The following ZNF398 variants were observed in gnomAD, a reference collection of about 807,000 sequenced individuals.
ZNF398 encodes zinc finger DNA binding protein ZER6.
In ZNF398, 18 loss-of-function variants were observed where a neutral mutation model predicts 41.9. The ratio of observed to expected loss-of-function variants is 0.43; its 90% CI spans 0.30 to 0.64. The LOEUF (loss-of-function observed/expected upper bound fraction) is 0.64. ZNF398 is among the 30% of genes least tolerant of loss of function. The pLI, the probability that ZNF398 is intolerant of heterozygous loss-of-function variation, is 0.14. For synonymous variants in ZNF398, 260 were observed against 308.8 expected (o/e 0.84, Z 1.66); for missense variants, 669 against 822.8 (o/e 0.81, Z 2.29).
chr7:149,127,013 G>A (rs544409297), intron 1 of ZNF398, among the ~76,000 whole-genome samples: 1 of 152,334 alleles, frequency 6.6e-6, no homozygotes, highest in Non-Finnish European at 1.5e-5. Flanking sequence ...GGTCGCCCAG[G>A]GATGCGGGCC....
At chr7:149,137,155 C>T (rs1826732006) in intron 2 of ZNF398, among the ~76,000 whole-genome samples, 1 of 152,142 alleles carries the variant, frequency 6.6e-6, no homozygotes, top group African/African-American at 2.4e-5. Flanking sequence ...GTGTGAGCCA[C>T]CATGCCCGGC....
Position 149,154,324 on chromosome 7 carries a change from A to G in ZNF398, c.404A>G (p.Lys135Arg), listed in dbSNP as rs1298406510. 1.9e-6 allele frequency: 3 copies of G among 1,612,708 alleles called. No homozygotes were observed. The highest frequency in any genetic ancestry group is 2.5e-6 in the Non-Finnish European group (3 of 1,179,380). ...FWILRLPPGI[K>R]GDIPKVPVAF... ...ATCCTGCGGCTCCCTCCAGGTATTAAGGGAGATATCCCAAAGGTAATACCT... is the reference window on the plus strand; with the variant it reads ...ATCCTGCGGCTCCCTCCAGGTATTAGGGGAGATATCCCAAAGGTAATACCT... Residue 135 changes from lysine (K) to arginine (R), a missense_variant, in exon 2 of 6, where the codon AAG becomes AGG. By Grantham distance (26) the Lys-to-Arg change is conservative (BLOSUM62 2). Transcript: ENST00000475153.
At chr7:149,155,078 G>A (rs1442310174) in intron 2 of ZNF398, among the ~76,000 whole-genome samples, 1 of 151,646 alleles carries the variant, frequency 6.6e-6, no homozygotes, top group Admixed American at 6.6e-5. Context: ...CCTGAGGTCA[G>A]GAGTTCAAGA....
intron 2 of ZNF398, among the ~76,000 whole-genome samples, chr7:149,135,015 C>T (rs1826680242): frequency 6.6e-6 from 1 of 152,128 alleles, no homozygotes; most frequent in Admixed American, 6.6e-5. Flanking sequence ...ACCACCTGAC[C>T]TCATTTATTA....
Position 149,179,250 on chromosome 7 carries a change from T to G in ZNF398, c.1378T>G (p.Cys460Gly), listed in dbSNP as rs1387303902. The G allele has an allele frequency of 6.2e-7, 1 of 1,613,370 alleles. No individual in the cohort carries two copies. Among genetic ancestry groups the G allele is most frequent in the Admixed American group, 1.7e-5 (1 of 60,024 alleles). Reference protein sequence around the residue: ...ASERPFRCAQCGRSFSLKISL... With the variant: ...ASERPFRCAQGGRSFSLKISL... ...CGAAAGGCCCTTCCGCTGTGCCCAGTGCGGCAGGAGCTTCAGCTTGAAAAT... is the reference window on the plus strand; with the variant it reads ...CGAAAGGCCCTTCCGCTGTGCCCAGGGCGGCAGGAGCTTCAGCTTGAAAAT... Residue 460 changes from cysteine (C) to glycine (G), a missense_variant, in exon 6 of 6, where the codon TGC (cysteine) becomes GGC (glycine). Coordinates refer to ENST00000475153, the MANE Select transcript of ZNF398 (RefSeq NM_170686.3). The surrounding 1 kb of genome is among the most constrained non-coding windows in gnomAD (Gnocchi z 6.1).
Position 149,165,689 on chromosome 7 carries a change from T to C in ZNF398, c.421-469T>C, listed in dbSNP as rs4727024. Among the ~76,000 whole-genome samples the C allele has an allele frequency of 5.2e-3, 786 of 152,270 alleles. 22 individuals carry two copies. Among genetic ancestry groups the C allele is most frequent in the Admixed American group, 0.046 (704 of 15,282 alleles). ...CAGCCATGGTATTATCCTTTCCTCC[T>C]CATGTGCACGATGAACAGCATCAAA... On this transcript the variant is annotated intron_variant, in intron 2 of 5. Coordinates refer to ENST00000475153, the MANE Select transcript of ZNF398 (RefSeq NM_170686.3).
rs892887395 is a variant in ZNF398 at position 149,132,236 on chromosome 7, C to A, written c.-490+3292C>A. On this transcript the variant is annotated intron_variant, in intron 2 of 6. Transcript: ENST00000426851. Reference sequence around the variant, plus strand: ...TTGAGACAGAGTCTTGCTCTGTCCCCCAGGCTGTAGTGCAATGCTGTGATC... The same window carrying A: ...TTGAGACAGAGTCTTGCTCTGTCCCACAGGCTGTAGTGCAATGCTGTGATC... Among the ~76,000 whole-genome samples, 3 of 150,522 alleles carry A rather than the reference C, an allele frequency of 2.0e-5. No homozygotes were observed. In the Admixed American group the frequency reaches 2.0e-4, roughly 10 times the overall value.
Position 149,154,194 on chromosome 7 carries a change from C to A in ZNF398, c.274C>A (p.Leu92Met), listed in dbSNP as rs1794920820. ...GACAGTTACCGAGCTTGGGAACCAGCTGGAGGGCAAGTGGGCCGTGCTGGG... is the reference window on the plus strand; with the variant it reads ...GACAGTTACCGAGCTTGGGAACCAGATGGAGGGCAAGTGGGCCGTGCTGGG... ...EKTVTELGNQ[L>M]EGKWAVLGTL... Residue 92 changes from leucine to methionine, a missense_variant, in exon 2 of 6, where the codon CTG (leucine) becomes ATG (methionine). By Grantham distance (15) the Leu-to-Met change is conservative. Transcript: ENST00000475153. 1.2e-6 allele frequency: 2 copies of A among 1,614,040 alleles called. No homozygotes were observed. Among genetic ancestry groups the A allele is most frequent in the African/African-American group, 2.7e-5 (2 of 74,928 alleles).
At chr7:149,133,337 C>T (rs1488876768) in intron 2 of ZNF398, among the ~76,000 whole-genome samples, 1 of 151,988 alleles carries the variant, frequency 6.6e-6, no homozygotes, top group Non-Finnish European at 1.5e-5. Context: ...TGGTCTGGAA[C>T]TCCAGGGCTC....
In ZNF398 at chr7:149,169,783, T is replaced by C. The variant is rs1377932081; in HGVS notation, c.661+2853T>C. ...CTTGTTTTCTTAAAAAAAAATATGC[T>C]CCTGGCTCTGTTGGAGGGCCCAAAG... is the stretch of plus-strand genomic sequence containing the variant. On this transcript the variant is annotated intron_variant, in intron 4 of 5. Transcript: ENST00000475153. 2.6e-5 allele frequency among the ~76,000 whole-genome samples: 4 copies of C among 152,190 alleles called. No individual in the cohort carries two copies. In the East Asian group the frequency reaches 7.7e-4, roughly 29 times the overall value.
chr7:149,181,933 G>A lies in ZNF398; in HGVS notation c.*2132G>A, dbSNP rs1029234139. 5 of 152,200 alleles carry A rather than the reference G, an allele frequency of 3.3e-5. No homozygotes were observed. The highest frequency in any genetic ancestry group is 7.3e-5 in the Non-Finnish European group (5 of 68,034). 9.4% of individuals were successfully genotyped at this position (152,200 alleles called of 1,614,324 possible). Reference sequence around the variant, plus strand: ...TAGTTTGCACCTTGATTTCCCCAGTGAAAAGGGAGAAGAGCCAAAGTATTG... The same window carrying A: ...TAGTTTGCACCTTGATTTCCCCAGTAAAAAGGGAGAAGAGCCAAAGTATTG... On this transcript the variant is annotated 3_prime_UTR_variant, in exon 6 of 6. Coordinates refer to ENST00000475153, the MANE Select transcript of ZNF398 (RefSeq NM_170686.3).
At chr7:149,175,035 G>A (rs1251358651) in intron 4 of ZNF398, among the ~76,000 whole-genome samples, 1 of 152,104 alleles carries the variant, frequency 6.6e-6, no homozygotes, top group Admixed American at 6.6e-5. Flanking sequence ...GTCAGAACAG[G>A]AGGTTGGCAA....
At chr7:149,176,608 A>G (rs1795465130) in intron 5 of ZNF398, 27 bp downstream of exon 5, 1 of 1,475,442 alleles carries the variant, frequency 6.8e-7, no homozygotes, top group Non-Finnish European at 9.3e-7. Context: ...AGAGGTGTTC[A>G]TGTCCATATC....
chr7:149,148,517 G>A, intron 1 of ZNF398: 2 of 983,506 alleles, frequency 2.0e-6, no homozygotes, highest in Non-Finnish European at 2.4e-6. Flanking sequence ...ATTGTACTGG[G>A]TCAGGAGCCA....
chr7:149,150,595 C>T (rs1053087262), intron 1 of ZNF398, among the ~76,000 whole-genome samples: 1 of 151,742 alleles, frequency 6.6e-6, no homozygotes, highest in Non-Finnish European at 1.5e-5. Context: ...AGACCTCATC[C>T]CAAAAAAACA....
chr7:149,155,246 C>T (rs1794941993), intron 2 of ZNF398, among the ~76,000 whole-genome samples: 1 of 152,114 alleles, frequency 6.6e-6, no homozygotes, highest in Non-Finnish European at 1.5e-5. Flanking sequence ...AAGGCGAAAC[C>T]CCATCTCTAT....
upstream of ZNF398, among the ~76,000 whole-genome samples, chr7:149,143,807 C>A (rs1485387190): frequency 1.3e-5 from 2 of 152,028 alleles, no homozygotes; most frequent in Non-Finnish European, 2.9e-5. Context: ...AGTAAAAACT[C>A]CATCTCAAAA....
rs528635197 is a variant in ZNF398, at chr7:149,177,388, C to G, written c.775+807C>G. Among the ~76,000 whole-genome samples, 9 of 151,940 alleles carry G rather than the reference C, an allele frequency of 5.9e-5. No homozygotes were observed. In the South Asian group the frequency reaches 1.3e-3, roughly 21 times the overall value. ...GTTGAGGCAGGTGGATCACTCGAGC[C>G]CAGGAGTTCAAGACCAGCCTGGGTA... On this transcript the variant is annotated intron_variant, in intron 5 of 5. Coordinates refer to ENST00000475153, the MANE Select transcript of ZNF398 (RefSeq NM_170686.3).
At position 149,155,617 on chromosome 7, in the gene ZNF398, T is replaced by C. The variant is rs533153115; in HGVS notation, c.420+1277T>C. Among the ~76,000 whole-genome samples, 26 of 150,934 alleles carry C rather than the reference T, an allele frequency of 1.7e-4. No individual in the cohort carries two copies. The East Asian group carries it at 4.5e-3, about 26-fold the overall frequency. The stretch of plus-strand genomic sequence containing the variant: ...GGCATTTAAGACCAAGGAAAGGAAT[T>C]TGGATTTTTAACTAAGGTGTAATGA... On this transcript the variant is annotated intron_variant, in intron 2 of 5. Transcript: ENST00000475153.
Sources: allele counts gnomAD v4.1 joint callset (sites outside exome capture counted in the v4.1 genomes callset), GRCh38; gene constraint gnomAD v4.1.1; non-coding constraint Gnocchi (gnomAD v3.1); transcripts MANE v1.5; gene names NCBI Gene and HGNC (gene_info 2026-07-23, HGNC 2026-07-21).